SYMPK: variants seen among roughly 807,000 people sequenced by gnomAD.
The protein encoded by SYMPK is symplekin.
A neutral mutation model predicts 136.4 loss-of-function variants in SYMPK; 49 were observed. That is an observed-to-expected ratio of 0.36 (90% CI 0.29 to 0.46). SYMPK has a LOEUF of 0.46. SYMPK is among the 20% of genes least tolerant of loss of function. The pLI is 1.00. For synonymous variants in SYMPK, 766 were observed against 713.0 expected, an observed-to-expected ratio of 1.07 and a Z score of -1.19; for missense variants, 1,365 against 1,690.0, an observed-to-expected ratio of 0.81 and a Z score of 3.37.
rs763835527 is a variant in SYMPK at position 45,826,382 on chromosome 19, G to A, written c.2182-9C>T. The stretch of plus-strand genomic sequence containing the variant: ...AGGGCCTGGGAGCGCACCTGAGGAG[G>A]AAGATGGAGAAGGGCAGGGTCAGGG... On this transcript the variant is annotated splice_polypyrimidine_tract_variant and intron_variant, in intron 16 of 26. Coordinates refer to ENST00000245934, the MANE Select transcript of SYMPK (RefSeq NM_004819.3). The A allele has an allele frequency of 6.2e-6, 10 of 1,613,992 alleles. No individual in the cohort carries two copies. The highest frequency in any genetic ancestry group is 7.6e-6 in the Non-Finnish European group (9 of 1,179,946).
At position 45,854,474 on chromosome 19, in the gene SYMPK, T is replaced by C; in HGVS notation, c.22A>G (p.Ser8Gly). The change falls in exon 2 of 27, where the codon AGC (serine) becomes GGC (glycine). Residue 8 changes from serine (S) to glycine (G), a missense_variant. Ser to Gly is a moderately conservative substitution (Grantham distance 56, BLOSUM62 0). Coordinates refer to ENST00000245934, the MANE Select transcript of SYMPK (RefSeq NM_004819.3). ...GATGCCACGCTCCGACGGGTGACGC[T>C]GTCTCCACTGCCGCTCGCCATGGCT... MASGSGDSVTRRSVASQF... is the reference protein window; with the variant it reads MASGSGDGVTRRSVASQF... The C allele has an allele frequency of 6.2e-7, 1 of 1,614,030 alleles. No individual in the cohort carries two copies. Among genetic ancestry groups the C allele is most frequent in the Non-Finnish European group, 8.5e-7 (1 of 1,180,032 alleles).
chr19:45,821,372 G>GA lies in SYMPK; in HGVS notation c.2893+11dup. On this transcript the variant is annotated intron_variant, in intron 22 of 26. Transcript: ENST00000245934. This position sits in a 1 kb window ranked among gnomAD's most constrained non-coding sequence, Gnocchi z 4.4. ...GGGGCCAGGCCACTGGAGTGGGGGG[G>GA]AAGCGCCTCACCTTTGATGATGGAT... The GA allele has an allele frequency of 6.2e-7, 1 of 1,608,830 alleles. No individual in the cohort carries two copies. Among genetic ancestry groups the GA allele is most frequent in the South Asian group, 1.1e-5 (1 of 90,966 alleles).
At chr19:45,845,139 G>A (rs2146333017) in intron 7 of SYMPK, among the ~76,000 whole-genome samples, 1 of 150,758 alleles carries the variant, frequency 6.6e-6, no homozygotes, top group East Asian at 2.0e-4. Context: ...CTGAGATGGG[G>A]TCTCACTCTG....
In SYMPK at chr19:45,826,438, C is replaced by T. The variant is rs932499863; in HGVS notation, c.2182-65G>A. On this transcript the variant is annotated intron_variant, in intron 16 of 26. Coordinates refer to ENST00000245934, the MANE Select transcript of SYMPK (RefSeq NM_004819.3). ...GTAAGAGGAAGAACAGCTATTCCTG[C>T]GAGCATGGCAACACTCACGTGAAAA... The T allele has an allele frequency of 9.5e-5, 146 of 1,544,730 alleles. No homozygotes were observed. In the African/African-American group the frequency reaches 1.8e-3, roughly 19 times the overall value.
intron 1 of SYMPK, among the ~76,000 whole-genome samples, chr19:45,860,743 A>G (rs974667345): frequency 6.6e-6 from 1 of 152,180 alleles, no homozygotes; most frequent in Non-Finnish European, 1.5e-5. Context: ...TCCCGGGCTC[A>G]GGCGATCCTC....
chr19:45,852,283 C>T, intron 5 of SYMPK, 29 bp downstream of exon 5: 1 of 1,613,786 alleles, frequency 6.2e-7, no homozygotes, highest in Non-Finnish European at 8.5e-7. Flanking sequence ...AGTGAGAATG[C>T]TCCCGGGGCT....
intron 10 of SYMPK, 48 bp from the exon 11 acceptor site, chr19:45,835,276 A>G (rs779641970): frequency 2.6e-6 from 4 of 1,515,496 alleles, no homozygotes; most frequent in African/African-American, 1.4e-5. Flanking sequence ...TTAACTCAAG[A>G]AGCATTCTTT....
At position 45,815,974 on chromosome 19, in the gene SYMPK, G is replaced by T. The variant is rs762643951; in HGVS notation, c.3564C>A (p.Ala1188=). ...ARPGPPPSEE[A]MDFREEGPEC... ...CAGGCCCCTCCTCCCGGAAATCCAT[G>T]GCTTCCTCAGACGGGGGCGGGCCTG... Residue 1188 remains alanine (A), a synonymous_variant, in exon 26 of 27, where the codon GCC becomes GCA. Coordinates refer to ENST00000245934, the MANE Select transcript of SYMPK (RefSeq NM_004819.3). 3.7e-6 allele frequency: 6 copies of T among 1,610,238 alleles called. No homozygotes were observed. The highest frequency in any genetic ancestry group is 5.1e-6 in the Non-Finnish European group (6 of 1,179,014).
chr19:45,823,743 A>G, intron 19 of SYMPK, 24 bp downstream of exon 19: 1 of 1,601,682 alleles, frequency 6.2e-7, no homozygotes, highest in Non-Finnish European at 8.6e-7. Context: ...GAAAGCCATG[A>G]AAGGTGGGGG....
At chr19:45,829,408 T>C (rs534949739) in intron 13 of SYMPK, among the ~76,000 whole-genome samples, 1 of 152,138 alleles carries the variant, frequency 6.6e-6, no homozygotes, top group African/African-American at 2.4e-5. Context: ...TGGGGATCGA[T>C]CATCACAGAA....
rs767017261 is a variant in SYMPK, at chr19:45,816,031, A to T, written c.3507T>A (p.Ser1169=). The T allele has an allele frequency of 6.3e-7, 1 of 1,585,098 alleles. No homozygotes were observed. Among genetic ancestry groups the T allele is most frequent in the South Asian group, 1.1e-5 (1 of 87,578 alleles). The change falls in exon 26 of 27, where the codon TCT becomes TCA. Residue 1169 remains serine, a synonymous_variant. Transcript: ENST00000245934. ...LKPGGVGAPS[S]SSPSPSPSAR... ...CCGACGGAGAGGGAGAGGGGGAGGA[A>T]GAGGAGGGGGCTCCCACTCCTCCCG...
intron 7 of SYMPK, 105 bp from the exon 8 acceptor site, chr19:45,844,305 G>A: frequency 1.2e-6 from 1 of 864,840 alleles, no homozygotes; most frequent in Non-Finnish European, 1.7e-6. Context: ...GTACCTAGAT[G>A]TCTATGAATG....
At chr19:45,845,934 A>G (rs1353088858) in intron 7 of SYMPK, among the ~76,000 whole-genome samples, 1 of 152,186 alleles carries the variant, frequency 6.6e-6, no homozygotes, top group East Asian at 1.9e-4. Flanking sequence ...TGAACGCCAC[A>G]TTATTTAAAA....
chr19:45,836,476 A>G (rs1404137398), intron 10 of SYMPK, among the ~76,000 whole-genome samples: 1 of 151,720 alleles, frequency 6.6e-6, no homozygotes, highest in African/African-American at 2.4e-5. Context: ...TAAAAATACA[A>G]AAAACTTAGC....
At chr19:45,838,684 GC>G in intron 9 of SYMPK, 69 bp from the exon 10 acceptor site, 2 of 1,522,178 alleles carry the variant, frequency 1.3e-6, no homozygotes, top group Non-Finnish European at 1.8e-6. Flanking sequence ...CTTCCGGGGT[GC>G]CCGGGTGGTC....
intron 7 of SYMPK, 78 bp downstream of exon 7, chr19:45,847,674 G>A (rs1971597626): frequency 3.9e-6 from 6 of 1,523,878 alleles, no homozygotes; most frequent in Non-Finnish European, 5.3e-6. Context: ...AAAAAGACAA[G>A]GGGGAGAGAG....
chr19:45,830,579 TC>T (rs1971144902), intron 12 of SYMPK: 1 of 193,428 alleles, frequency 5.2e-6, no homozygotes, highest in African/African-American at 2.3e-5. Flanking sequence ...GGGTAGCAGA[TC>T]CCGCTCAGCT....
chr19:45,815,744 C>T, intron 26 of SYMPK, 47 bp from the exon 27 acceptor site: 2 of 1,599,500 alleles, frequency 1.3e-6, no homozygotes, highest in Non-Finnish European at 1.7e-6. Context: ...GGCGCGGTCA[C>T]CTCCACGCTC....
At chr19:45,862,828 C>G (rs978083068) in intron 1 of SYMPK, among the ~76,000 whole-genome samples, 1 of 152,172 alleles carries the variant, frequency 6.6e-6, no homozygotes, top group Admixed American at 6.5e-5. Context: ...GCAAAGAGGC[C>G]GAGTCGAAGC....
Sources: gnomAD v4.1 joint callset for allele counts (sites outside exome capture counted in the v4.1 genomes callset) on GRCh38, gnomAD v4.1.1 for gene constraint, Gnocchi (gnomAD v3.1) non-coding constraint, MANE v1.5 for transcripts, NCBI Gene and HGNC (gene_info 2026-07-23, HGNC 2026-07-21) for gene names.